Variants in CSMD1 observed in about 807,000 individuals in gnomAD.
The protein encoded by CSMD1 is CUB and sushi domain-containing protein 1.
Under a neutral mutation model 417.5 loss-of-function variants are expected in CSMD1, and 213 were observed. That is an observed-to-expected ratio of 0.51 (90% confidence interval 0.46 to 0.57). The LOEUF is 0.57. Ranked by LOEUF, CSMD1 falls within the 20% of genes least tolerant of loss-of-function variation. CSMD1 has a pLI of 0.00. For synonymous variants in CSMD1, 2,862 were observed against 1,736.8 expected (o/e 1.65, Z -16.11); for missense variants, 6,923 against 4,529.7 (o/e 1.53, Z -15.17).
intron 5 of CSMD1, 33 bp downstream of exon 5, chr8:3,997,870 G>A (rs763353825): frequency 5.1e-6 from 8 of 1,579,436 alleles, no homozygotes; most frequent in African/African-American, 1.3e-5. Flanking sequence ...AAACACACCT[G>A]TATCCTTTGT....
chr8:3,016,460 G>T (rs1414142970), intron 52 of CSMD1, among the ~76,000 whole-genome samples: 2 of 152,162 alleles, frequency 1.3e-5, no homozygotes, highest in Non-Finnish European at 2.9e-5. Flanking sequence ...AGCAAAAGAT[G>T]TCTTTGATAA....
intron 7 of CSMD1, among the ~76,000 whole-genome samples, chr8:3,650,291 AAAAGT>A (rs1276371926): frequency 4.6e-5 from 7 of 151,748 alleles, no homozygotes; most frequent in African/African-American, 1.7e-4. Context: ...AAAAAAAAAG[AAAAGT>A]AAAGAAAAAA....
At chr8:4,452,192 G>A (rs904668709) in intron 2 of CSMD1, among the ~76,000 whole-genome samples, 31 of 151,992 alleles carry the variant, frequency 2.0e-4, no homozygotes, top group African/African-American at 7.3e-4. Context: ...CTTAGTGCAC[G>A]TTTCTGCTTT....
chr8:3,522,251 A>AC (rs1797539787), intron 10 of CSMD1, among the ~76,000 whole-genome samples: 1 of 152,224 alleles, frequency 6.6e-6, no homozygotes, highest in Admixed American at 6.5e-5. Context: ...TATTACTTTG[A>AC]AAACAATAAT....
intron 11 of CSMD1, among the ~76,000 whole-genome samples, chr8:3,484,239 A>C (rs1817900151): frequency 6.6e-6 from 1 of 152,244 alleles, no homozygotes; most frequent in African/African-American, 2.4e-5. Context: ...GACTAGACAC[A>C]CATCAGTGTA....
chr8:4,455,019 T>C (rs1312018499), intron 2 of CSMD1, among the ~76,000 whole-genome samples: 1 of 152,164 alleles, frequency 6.6e-6, no homozygotes, highest in Non-Finnish European at 1.5e-5. Flanking sequence ...TATCCCAGTG[T>C]GTCAGTCCGC....
chr8:4,311,541 G>A (rs143449679), intron 3 of CSMD1, among the ~76,000 whole-genome samples: 12 of 152,050 alleles, frequency 7.9e-5, no homozygotes, highest in South Asian at 4.2e-4. Flanking sequence ...TGACCAATAC[G>A]GTGAAACCCT....
At chr8:4,199,737 T>A (rs1339273982) in intron 3 of CSMD1, among the ~76,000 whole-genome samples, 1 of 152,152 alleles carries the variant, frequency 6.6e-6, no homozygotes, top group Admixed American at 6.5e-5. Context: ...GATGCTTTGA[T>A]CCTCTTAAAA....
intron 4 of CSMD1, among the ~76,000 whole-genome samples, chr8:4,013,129 C>T (rs1280880548): frequency 2.0e-5 from 3 of 152,074 alleles, no homozygotes; most frequent in Non-Finnish European, 2.9e-5. Flanking sequence ...TTCTCGTATC[C>T]CCCCATTGTG....
At chr8:3,660,128 T>C (rs1194787048) in intron 7 of CSMD1, among the ~76,000 whole-genome samples, 2 of 152,232 alleles carry the variant, frequency 1.3e-5, no homozygotes, top group Non-Finnish European at 2.9e-5. Flanking sequence ...GTTTGCAAAA[T>C]ACTTTCAACT....
chr8:4,928,864 G>C (rs1258085582), intron 1 of CSMD1, among the ~76,000 whole-genome samples: 2 of 152,104 alleles, frequency 1.3e-5, no homozygotes, highest in African/African-American at 4.8e-5. Flanking sequence ...GAGGTTGGGA[G>C]TTCGAGACCA....
chr8:4,342,233 CTGTGTG>C (rs1219686033), intron 3 of CSMD1, among the ~76,000 whole-genome samples: 2 of 23,464 alleles, frequency 8.5e-5, no homozygotes, highest in Admixed American at 4.8e-4. Context: ...GTGTGTGTGT[CTGTGTG>C]TGTGTGTGTG....
chr8:2,938,978 T>G (rs1402058655), intron 69 of CSMD1, among the ~76,000 whole-genome samples: 1 of 152,160 alleles, frequency 6.6e-6, no homozygotes, highest in African/African-American at 2.4e-5. Flanking sequence ...AAATAAAATT[T>G]TTTTGAGACA....
rs149576888 is a variant in CSMD1, at chr8:3,740,048, A to G, written c.931+13882T>C. On this transcript the variant is annotated intron_variant, in intron 6 of 69. Transcript: ENST00000635120. ...CCAATAAAATTCGTAGCCACTTACA[A>G]TATGCTGTTTTTCATAGAGTAAAAG... Among the ~76,000 whole-genome samples, 55 of 152,322 alleles carry G rather than the reference A, an allele frequency of 3.6e-4. 2 individuals are homozygous for G. The East Asian group carries it at 0.01, about 29-fold the overall frequency.
intron 7 of CSMD1, among the ~76,000 whole-genome samples, chr8:3,667,086 G>A (rs1157202383): frequency 6.6e-6 from 1 of 152,080 alleles, no homozygotes; most frequent in Non-Finnish European, 1.5e-5. Flanking sequence ...TGAGTGCTTG[G>A]TACAAGCAAG....
At chr8:4,854,740 C>A (rs1801693055) in intron 1 of CSMD1, among the ~76,000 whole-genome samples, 1 of 152,166 alleles carries the variant, frequency 6.6e-6, no homozygotes, top group Non-Finnish European at 1.5e-5. Flanking sequence ...AGATTCTATC[C>A]CACACCTGGC....
chr8:4,038,055 T>C (rs1050944185), intron 3 of CSMD1, among the ~76,000 whole-genome samples: 1 of 152,116 alleles, frequency 6.6e-6, no homozygotes, highest in Non-Finnish European at 1.5e-5. Context: ...GGCTTAAAAT[T>C]AATTCAAAAA....
At chr8:4,203,658 G>A (rs1023205431) in intron 3 of CSMD1, among the ~76,000 whole-genome samples, 1 of 151,962 alleles carries the variant, frequency 6.6e-6, no homozygotes, top group Non-Finnish European at 1.5e-5. Flanking sequence ...TTGGAAGTTG[G>A]TTCCTCTCCT....
At chr8:4,312,710 C>T (rs1305650610) in intron 3 of CSMD1, among the ~76,000 whole-genome samples, 1 of 151,898 alleles carries the variant, frequency 6.6e-6, no homozygotes, top group Non-Finnish European at 1.5e-5. Context: ...AACCCCATTT[C>T]TACTAACGAA....
Sources: gnomAD v4.1 joint callset for allele counts (sites outside exome capture counted in the v4.1 genomes callset) on GRCh38, gnomAD v4.1.1 for gene constraint, MANE v1.5 for transcripts, NCBI Gene and HGNC (gene_info 2026-07-23, HGNC 2026-07-21) for gene names.